The following RERE variants were observed in gnomAD, a reference collection of about 807,000 sequenced individuals.
The protein encoded by RERE is arginine-glutamic acid dipeptide repeats protein.
Under a neutral mutation model 146.1 loss-of-function variants are expected in RERE, and 40 were observed. The observed-to-expected ratio is 0.27, with a 90% CI of 0.21 to 0.36. The LOEUF is 0.36. RERE is among the 10% of genes least tolerant of loss of function. The pLI is 1.00. For synonymous variants in RERE, 1,003 were observed against 866.0 expected (o/e 1.16, Z -2.78); for missense variants, 1,933 against 2,138.7 (o/e 0.90, Z 1.90).
chr1:8,415,517 A>T (rs1436817839), intron 12 of RERE, among the ~76,000 whole-genome samples: 1 of 152,250 alleles, frequency 6.6e-6, no homozygotes, highest in Non-Finnish European at 1.5e-5. Flanking sequence ...TTCTCATGCC[A>T]TCCCCACTAG....
At chr1:8,541,671 T>TA (rs941636654) in intron 6 of RERE, among the ~76,000 whole-genome samples, 31 of 151,382 alleles carry the variant, frequency 2.0e-4, no homozygotes, top group East Asian at 7.7e-4. Flanking sequence ...TTCTAAATCA[T>TA]AAAAAAAAAT....
At chr1:8,505,459 A>G (rs1645237815) in intron 8 of RERE, among the ~76,000 whole-genome samples, 1 of 152,188 alleles carries the variant, frequency 6.6e-6, no homozygotes. Flanking sequence ...TACTTGAGGA[A>G]GCTGAGTAAT....
chr1:8,697,541 C>T (rs532942397), intron 1 of RERE, among the ~76,000 whole-genome samples: 13 of 152,106 alleles, frequency 8.5e-5, no homozygotes, highest in African/African-American at 2.2e-4. Flanking sequence ...TACAGGCACC[C>T]GCCAACACAC....
At chr1:8,381,246 T>C (rs756816025) in intron 12 of RERE, among the ~76,000 whole-genome samples, 185 of 152,226 alleles carry the variant, frequency 1.2e-3, no homozygotes, top group Non-Finnish European at 2.4e-3. Context: ...ATGATTCCCC[T>C]CCTCCCTTTC....
At chr1:8,420,919 C>CA (rs938899750) in intron 12 of RERE, among the ~76,000 whole-genome samples, 1 of 152,048 alleles carries the variant, frequency 6.6e-6, no homozygotes, top group Non-Finnish European at 1.5e-5. Flanking sequence ...CACACATCAT[C>CA]AATAAGAAGG....
intron 10 of RERE, among the ~76,000 whole-genome samples, chr1:8,477,496 C>T (rs1479012955): frequency 1.3e-5 from 2 of 152,132 alleles, no homozygotes; most frequent in Non-Finnish European, 2.9e-5. Flanking sequence ...TCCTCATAGC[C>T]TTGAAAACAG....
intron 4 of RERE, among the ~76,000 whole-genome samples, chr1:8,561,236 C>CA (rs1399215683): frequency 6.6e-6 from 1 of 152,126 alleles, no homozygotes; most frequent in African/African-American, 2.4e-5. Flanking sequence ...ATGCAATAAC[C>CA]AGGGAGTGGC....
chr1:8,661,439 G>A (rs1451913069), intron 1 of RERE, among the ~76,000 whole-genome samples: 1 of 152,132 alleles, frequency 6.6e-6, no homozygotes, highest in East Asian at 1.9e-4. Context: ...ACTTTAGCAG[G>A]GATGTGAGTA....
chr1:8,449,214 T>C (rs1644362305), intron 11 of RERE, among the ~76,000 whole-genome samples: 1 of 152,168 alleles, frequency 6.6e-6, no homozygotes. Context: ...AAATGAATTA[T>C]CCACACATCA....
At chr1:8,490,513 TG>T (rs1402016598) in intron 10 of RERE, among the ~76,000 whole-genome samples, 1 of 150,374 alleles carries the variant, frequency 6.7e-6, no homozygotes, top group Non-Finnish European at 1.5e-5. Context: ...TTATTTATAA[TG>T]GCCAAAAGCT....
At chr1:8,774,940 CTTCT>C (rs1287166388) in intron 1 of RERE, among the ~76,000 whole-genome samples, 1,495 of 76,876 alleles carry the variant, frequency 0.019, 215 homozygotes, top group East Asian at 0.053. Context: ...AGTAGCATTT[CTTCT>C]TTCTTTCTTT....
intron 8 of RERE, among the ~76,000 whole-genome samples, chr1:8,499,480 ATGC>A (rs1321243082): frequency 6.6e-6 from 1 of 150,688 alleles, no homozygotes; most frequent in South Asian, 2.1e-4. Context: ...CATCCAGGGA[ATGC>A]TGCCACACAG....
chr1:8,653,694 C>CAAAAA (rs775354970), intron 2 of RERE, among the ~76,000 whole-genome samples: 3 of 45,904 alleles, frequency 6.5e-5, no homozygotes, highest in Non-Finnish European at 9.2e-5. Context: ...GACTCCACCT[C>CAAAAA]AAAAAAAAAA....
At chr1:8,566,635 CA>C (rs1016614537) in intron 4 of RERE, among the ~76,000 whole-genome samples, 2 of 150,328 alleles carry the variant, frequency 1.3e-5, no homozygotes, top group Non-Finnish European at 3.0e-5. Flanking sequence ...AAAAAACAAA[CA>C]AAAAAAAACC....
chr1:8,771,847 T>C (rs959621750), intron 1 of RERE, among the ~76,000 whole-genome samples: 29 of 148,624 alleles, frequency 2.0e-4, no homozygotes, highest in African/African-American at 6.5e-4. Context: ...GAGGCGGAGC[T>C]TGCAGTGACC....
intron 11 of RERE, among the ~76,000 whole-genome samples, chr1:8,429,424 G>C (rs1459290891): frequency 3.3e-5 from 5 of 152,210 alleles, no homozygotes; most frequent in Admixed American, 3.3e-4. Context: ...ACTGGGCTGA[G>C]AGTAAACCCT....
chr1:8,815,663 C>G (rs1473531991), intron 1 of RERE, among the ~76,000 whole-genome samples: 1 of 152,162 alleles, frequency 6.6e-6, no homozygotes, highest in Non-Finnish European at 1.5e-5. Flanking sequence ...AACGGCCAGG[C>G]ATGAGATGGG....
chr1:8,751,482 G>T (rs915485632), intron 1 of RERE, among the ~76,000 whole-genome samples: 1 of 152,222 alleles, frequency 6.6e-6, no homozygotes, highest in Admixed American at 6.5e-5. Context: ...AGGGTGGAAG[G>T]GAGCAAATTC....
chr1:8,669,399 A>G (rs771973155), intron 1 of RERE, among the ~76,000 whole-genome samples: 10 of 152,180 alleles, frequency 6.6e-5, no homozygotes, highest in Admixed American at 3.3e-4. Context: ...ATGCCCAGCC[A>G]ATTGTACACT....
Sources: allele counts gnomAD v4.1 joint callset (sites outside exome capture counted in the v4.1 genomes callset), GRCh38; gene constraint gnomAD v4.1.1; transcripts MANE v1.5; gene names NCBI Gene and HGNC (gene_info 2026-07-23, HGNC 2026-07-21).